Variants in KLF15 observed in about 807,000 individuals in gnomAD.
The protein encoded by KLF15 is KLF transcription factor 15.
A neutral mutation model predicts 24.6 loss-of-function variants in KLF15; 4 were observed. The ratio of observed to expected loss-of-function variants is 0.16; its 90% confidence interval spans 0.08 to 0.37. The LOEUF (loss-of-function observed/expected upper bound fraction) is 0.37. KLF15 is among the 10% of genes least tolerant of loss of function. The pLI is 1.00. For missense variants in KLF15, 496 were observed against 560.6 expected (o/e 0.88, Z 1.16); for synonymous variants, 246 against 236.3 (o/e 1.04, Z -0.37).
chr3:126,323,108 A>C, the KLF15 span, among the ~76,000 whole-genome samples: 1 of 150,798 alleles, frequency 6.6e-6, no homozygotes, highest in East Asian at 1.9e-4. Context: ...ATTTGGAAAA[A>C]ATTTAAATTT....
chr3:126,320,247 A>T, the KLF15 span, among the ~76,000 whole-genome samples: 1 of 152,220 alleles, frequency 6.6e-6, no homozygotes, highest in Non-Finnish European at 1.5e-5. Flanking sequence ...CTGCAGGAAC[A>T]GGGCCTCAAT....
chr3:126,328,231 T>C, the KLF15 span, among the ~76,000 whole-genome samples: 286 of 152,328 alleles, frequency 1.9e-3, 1 homozygote, highest in African/African-American at 6.4e-3. Context: ...GTCTCCAATC[T>C]CATTTAGGTC....
the KLF15 span, among the ~76,000 whole-genome samples, chr3:126,293,599 C>T: frequency 6.6e-6 from 1 of 152,178 alleles, no homozygotes; most frequent in South Asian, 2.1e-4. Flanking sequence ...AAATGCCTCT[C>T]ACCCCAGGGC....
chr3:126,347,827 G>A (rs563349974), intron 2 of KLF15, among the ~76,000 whole-genome samples: 4 of 152,302 alleles, frequency 2.6e-5, no homozygotes, highest in East Asian at 1.9e-4. Context: ...GGCAGGTGAC[G>A]ACCTCAGCAG....
chr3:126,304,305 A>G, the KLF15 span, among the ~76,000 whole-genome samples: 1 of 152,224 alleles, frequency 6.6e-6, no homozygotes, highest in African/African-American at 2.4e-5. Context: ...TGCTCTAATA[A>G]ATCTGAAAGA....
the KLF15 span, chr3:126,288,566 C>G: frequency 6.6e-6 from 1 of 152,474 alleles, no homozygotes; most frequent in Admixed American, 6.5e-5. Flanking sequence ...ACGCCCTGTA[C>G]CAGCGGCCTC....
the KLF15 span, among the ~76,000 whole-genome samples, chr3:126,299,216 A>ATGTATGTG: frequency 6.6e-6 from 1 of 151,508 alleles, no homozygotes; most frequent in African/African-American, 2.4e-5. Flanking sequence ...GTATGTATGT[A>ATGTATGTG]TGTATGTATG....
the KLF15 span, among the ~76,000 whole-genome samples, chr3:126,288,592 G>A: frequency 6.6e-6 from 1 of 152,346 alleles, no homozygotes; most frequent in Non-Finnish European, 1.5e-5. Context: ...CACCAACAGC[G>A]TCCTCTGCGC....
chr3:126,293,624 C>T, the KLF15 span, among the ~76,000 whole-genome samples: 3 of 152,184 alleles, frequency 2.0e-5, no homozygotes, highest in Admixed American at 2.0e-4. Context: ...GTAGCCCCTT[C>T]CATGCCTGTC....
chr3:126,352,128 C>T lies in KLF15; in HGVS notation c.795G>A (p.Gln265=), dbSNP rs751152472. Residue 265 remains glutamine (Q), a synonymous_variant, in exon 2 of 3, where the codon CAG becomes CAA. Transcript: ENST00000296233. ...IQGQTFALVP[Q]VVPSSNLNLP... Reference sequence around the variant, plus strand: ...GGTTCAAGTTGGAGGAGGGTACCACCTGGGGCACGAGTGCGAAGGTCTGCC... The same window carrying T: ...GGTTCAAGTTGGAGGAGGGTACCACTTGGGGCACGAGTGCGAAGGTCTGCC... 5 of 1,562,016 alleles carry T rather than the reference C, an allele frequency of 3.2e-6. 1 individual carries two copies. In the South Asian group the frequency reaches 3.5e-5, roughly 11 times the overall value.
chr3:126,313,934 T>C, the KLF15 span, among the ~76,000 whole-genome samples: 1 of 152,224 alleles, frequency 6.6e-6, no homozygotes, highest in African/African-American at 2.4e-5. Flanking sequence ...CATCTGTTTG[T>C]GTAAATAAAG....
chr3:126,311,484 A>C, the KLF15 span, among the ~76,000 whole-genome samples: 2 of 152,098 alleles, frequency 1.3e-5, no homozygotes, highest in Non-Finnish European at 2.9e-5. Flanking sequence ...CATCAGTCCA[A>C]CCCGGAGGTG....
rs1008958158 is a variant in KLF15, at chr3:126,356,263, C to T, written c.-26+974G>A. ...GGGCGTCCTCACACCTGTAGGGCGGCAGGGTCTCCCCAGGGGCCACCTGGT... is the reference window on the plus strand; with the variant it reads ...GGGCGTCCTCACACCTGTAGGGCGGTAGGGTCTCCCCAGGGGCCACCTGGT... On this transcript the variant is annotated intron_variant, in intron 1 of 2. Transcript: ENST00000296233. The surrounding 1 kb of genome is among the most constrained non-coding windows in gnomAD (Gnocchi z 4.4). 1.2e-4 allele frequency among the ~76,000 whole-genome samples: 18 copies of T among 152,250 alleles called. No individual in the cohort carries two copies. The highest frequency in any genetic ancestry group is 4.3e-4 in the African/African-American group (18 of 41,574).
chr3:126,355,331 C>CT (rs1422139050), intron 1 of KLF15, among the ~76,000 whole-genome samples: 1 of 152,248 alleles, frequency 6.6e-6, no homozygotes, highest in East Asian at 1.9e-4. Context: ...ACAGGTGGCC[C>CT]TATCTCCTCG....
the KLF15 span, among the ~76,000 whole-genome samples, chr3:126,321,017 A>C: frequency 6.6e-6 from 1 of 152,032 alleles, no homozygotes; most frequent in African/African-American, 2.4e-5. Flanking sequence ...AAGGAAGGTG[A>C]GGAAGCTGGA....
rs530873071 is a variant in KLF15, at chr3:126,356,171, G to T, written c.-26+1066C>A. On this transcript the variant is annotated intron_variant, in intron 1 of 2. Transcript: ENST00000296233. The surrounding 1 kb of genome is among the most constrained non-coding windows in gnomAD (Gnocchi z 4.4). ...GTGCAAATCACGGGGGTGGCGGCGGGGGCTGTCCTTCAAAATAAGAGTCTC... is the reference window on the plus strand; with the variant it reads ...GTGCAAATCACGGGGGTGGCGGCGGTGGCTGTCCTTCAAAATAAGAGTCTC... Among the ~76,000 whole-genome samples the T allele has an allele frequency of 1.3e-5, 2 of 152,284 alleles. No individual in the cohort carries two copies. The highest frequency in any genetic ancestry group is 2.1e-4 in the South Asian group (1 of 4,830).
the KLF15 span, among the ~76,000 whole-genome samples, chr3:126,319,407 A>G: frequency 1.2e-4 from 19 of 152,364 alleles, no homozygotes; most frequent in Middle Eastern, 3.4e-3. Context: ...TCCCACCAGC[A>G]ATGACTGAGA....
the KLF15 span, among the ~76,000 whole-genome samples, chr3:126,300,087 G>A: frequency 2.6e-5 from 4 of 152,266 alleles, no homozygotes; most frequent in African/African-American, 9.6e-5. Flanking sequence ...CCACAGGGGG[G>A]TGAATCATCC....
chr3:126,350,282 A>G (rs1210225913), intron 2 of KLF15, among the ~76,000 whole-genome samples: 1 of 152,222 alleles, frequency 6.6e-6, no homozygotes, highest in African/African-American at 2.4e-5. Flanking sequence ...CCCACTCGGC[A>G]GGCCTAGGTA....
Sources: allele counts gnomAD v4.1 joint callset (sites outside exome capture counted in the v4.1 genomes callset), GRCh38; gene constraint gnomAD v4.1.1; non-coding constraint Gnocchi (gnomAD v3.1); transcripts MANE v1.5; gene names NCBI Gene and HGNC (gene_info 2026-07-23, HGNC 2026-07-21).